The following AKR1C3 variants were observed in gnomAD, a reference collection of about 807,000 sequenced individuals.
The protein encoded by AKR1C3 is 3-alpha hydroxysteroid dehydrogenase, type II.
In AKR1C3, 48 loss-of-function variants were observed where a neutral mutation model predicts 43.6. The observed-to-expected ratio is 1.10, with a 90% CI of 0.87 to 1.40. AKR1C3 has a LOEUF of 1.40. Ranked by LOEUF, AKR1C3 falls within the 40% of genes most tolerant of loss-of-function variation. The pLI is 0.00. For synonymous variants in AKR1C3, 162 were observed against 139.6 expected, an observed-to-expected ratio of 1.16 and a Z score of -1.13; for missense variants, 482 against 391.2, an observed-to-expected ratio of 1.23 and a Z score of -1.96.
chr10:5,102,664 C>T lies in AKR1C3; in HGVS notation c.846+14C>T, dbSNP rs1839388051. ...CAGAACGTGCAGGTGAGGAGCGGGG[C>T]TGTGGGCCTCAGGTCTCCTGCACAG... On this transcript the variant is annotated intron_variant, in intron 7 of 8. Transcript: ENST00000380554. 1.4e-6 allele frequency: 2 copies of T among 1,452,254 alleles called. No individual in the cohort carries two copies. Among genetic ancestry groups the T allele is most frequent in the East Asian group, 2.5e-5 (1 of 40,034 alleles). The allele number at this position is 1,452,254 out of a possible 1,614,324, so 90.0% of individuals were successfully genotyped here.
chr10:5,102,153 C>CGAAAGATATTGTTCTG lies in AKR1C3; in HGVS notation c.625_640dup (p.Val214GlufsTer9). 6.2e-7 allele frequency: 1 copy of CGAAAGATATTGTTCTG among 1,613,964 alleles called. No individual in the cohort carries two copies. The highest frequency in any genetic ancestry group is 1.7e-5 in the Admixed American group (1 of 60,002). ...AGTAAATTGCTAGATTTCTGCAAGT[C>CGAAAGATATTGTTCTG]GAAAGATATTGTTCTGGTTGCCTAT... is the stretch of plus-strand genomic sequence containing the variant. On this transcript the variant is annotated frameshift_variant, in exon 6 of 9. Coordinates refer to ENST00000380554, the MANE Select transcript of AKR1C3 (RefSeq NM_003739.6). LOFTEE classifies it high-confidence loss of function.
intron 1 of AKR1C3, among the ~76,000 whole-genome samples, chr10:5,060,804 C>T (rs181261467): frequency 1.3e-4 from 20 of 152,260 alleles, no homozygotes; most frequent in East Asian, 1.2e-3. Context: ...TCAGGCATGG[C>T]GGGCTGCAGA....
At chr10:5,096,127 C>G in intron 1 of AKR1C3, 1 of 281,878 alleles carries the variant, frequency 3.5e-6, no homozygotes. Flanking sequence ...ATAATTAGGA[C>G]TATTTCAGTC....
upstream of AKR1C3, among the ~76,000 whole-genome samples, chr10:5,093,044 C>A (rs577983360): frequency 6.6e-6 from 1 of 152,188 alleles, no homozygotes; most frequent in South Asian, 2.1e-4. Context: ...TCTGCCTGGA[C>A]TGTGTGTGCC....
chr10:5,098,563 T>C (rs1293506135), intron 3 of AKR1C3, among the ~76,000 whole-genome samples: 2 of 152,218 alleles, frequency 1.3e-5, no homozygotes, highest in African/African-American at 4.8e-5. Context: ...TGAAACTTGA[T>C]TAAGACCTAG....
chr10:5,099,275 G>A (rs1232900269), intron 4 of AKR1C3, 52 bp from the exon 5 acceptor site: 25 of 1,611,748 alleles, frequency 1.6e-5, no homozygotes, highest in East Asian at 6.7e-5. Context: ...TGCATTTACC[G>A]TGATTTGCAG....
At position 5,105,587 on chromosome 10, in the gene AKR1C3, T is replaced by G; in HGVS notation, c.847-8T>G. The stretch of plus-strand genomic sequence containing the variant: ...CTAAAAATAATAAAAGTTTTTTATT[T>G]CTGATAGGTTTTTGAGTTCCAGTTG... On this transcript the variant is annotated splice_region_variant and splice_polypyrimidine_tract_variant and intron_variant, in intron 7 of 8. Transcript: ENST00000380554. 1.9e-6 allele frequency: 3 copies of G among 1,610,878 alleles called. No individual in the cohort carries two copies. The highest frequency in any genetic ancestry group is 2.5e-6 in the Non-Finnish European group (3 of 1,177,970).
At chr10:5,092,667 A>C (rs561844283), upstream of AKR1C3, among the ~76,000 whole-genome samples, 1 of 152,106 alleles carries the variant, frequency 6.6e-6, no homozygotes, top group South Asian at 2.1e-4. Context: ...CATTGTTGAT[A>C]CACTCATTTT....
In AKR1C3 at chr10:5,081,038, A is replaced by G. The variant is rs989965046; in HGVS notation, c.85-15372A>G. The G allele has an allele frequency of 2.0e-5, 3 of 152,254 alleles. No homozygotes were observed. In the East Asian group the frequency reaches 5.8e-4, roughly 29 times the overall value. The allele number at this position is 152,254 out of a possible 1,614,324, so 9.4% of individuals were successfully genotyped here. On this transcript the variant is annotated intron_variant, in intron 1 of 8. Transcript: ENST00000439082. Reference sequence around the variant, plus strand: ...GTGGGGGATGAAAACATAAAGATATAGTAAGTGCATTCTAGGATCAAATCA... The same window carrying G: ...GTGGGGGATGAAAACATAAAGATATGGTAAGTGCATTCTAGGATCAAATCA...
intron 1 of AKR1C3, among the ~76,000 whole-genome samples, chr10:5,053,673 C>T (rs1380791639): frequency 6.6e-6 from 1 of 152,344 alleles, no homozygotes; most frequent in Middle Eastern, 3.4e-3. Context: ...AATCCCCCCT[C>T]TAAACAGGAC....
rs191988659 is a variant in AKR1C3 at position 5,086,899 on chromosome 10, C to T, written c.85-9511C>T. Among the ~76,000 whole-genome samples, 592 of 152,028 alleles carry T rather than the reference C, an allele frequency of 3.9e-3. 11 individuals are homozygous for T. The highest frequency in any genetic ancestry group is 0.014 in the African/African-American group (563 of 41,440). On this transcript the variant is annotated intron_variant, in intron 1 of 8. Transcript: ENST00000439082. ...TTTTATCTGAGACTAGGATTGCAACCCCTGCCTTTTTTTGTTTTCCATTTG... is the reference window on the plus strand; with the variant it reads ...TTTTATCTGAGACTAGGATTGCAACTCCTGCCTTTTTTTGTTTTCCATTTG...
chr10:5,058,726 G>A (rs1317123789), intron 1 of AKR1C3, among the ~76,000 whole-genome samples: 1 of 152,196 alleles, frequency 6.6e-6, no homozygotes, highest in Non-Finnish European at 1.5e-5. Context: ...AGAAACGCTA[G>A]TTTTCCTCCC....
intron 1 of AKR1C3, chr10:5,077,616 C>T (rs1838741194): frequency 9.8e-7 from 1 of 1,015,606 alleles, no homozygotes; most frequent in Admixed American, 5.7e-5. Flanking sequence ...TAATTGCTTG[C>T]CTGTCTGGGC....
intron 7 of AKR1C3, 36 bp from the exon 8 acceptor site, chr10:5,105,559 A>G (rs2131853637): frequency 1.3e-6 from 2 of 1,513,636 alleles, no homozygotes; most frequent in East Asian, 4.6e-5. Context: ...CACAACTGGC[A>G]ATCTAAAAAT....
chr10:5,053,158 C>CT (rs1564351271), intron 1 of AKR1C3, among the ~76,000 whole-genome samples: 1 of 152,250 alleles, frequency 6.6e-6, no homozygotes, highest in Non-Finnish European at 1.5e-5. Flanking sequence ...CTCCTCAGCA[C>CT]TTGGGTGGTT....
At chr10:5,103,895 CTATGATGGATTAATA>C (rs1554786566) in intron 7 of AKR1C3, among the ~76,000 whole-genome samples, 1 of 151,798 alleles carries the variant, frequency 6.6e-6, no homozygotes, top group Non-Finnish European at 1.5e-5. Context: ...TCTTATTAAT[CTATGATGGATTAATA>C]TATGATAGGT....
At chr10:5,076,227 C>A (rs1692560350) in intron 1 of AKR1C3, among the ~76,000 whole-genome samples, 1 of 152,196 alleles carries the variant, frequency 6.6e-6, no homozygotes, top group Admixed American at 6.5e-5. Flanking sequence ...TTGATGTGTT[C>A]TCCAAAGTCC....
chr10:5,103,942 A>G (rs56847935), intron 7 of AKR1C3, among the ~76,000 whole-genome samples: 4,648 of 152,040 alleles, frequency 0.031, 234 homozygotes, highest in African/African-American at 0.11. Flanking sequence ...ATAGATTGAT[A>G]TATATATTAT....
At chr10:5,052,824 G>A (rs1224469981) in intron 1 of AKR1C3, among the ~76,000 whole-genome samples, 4 of 152,006 alleles carry the variant, frequency 2.6e-5, no homozygotes, top group Non-Finnish European at 4.4e-5. Context: ...CACAAACCCT[G>A]AGCTAGATGC....
Sources: allele counts gnomAD v4.1 joint callset (sites outside exome capture counted in the v4.1 genomes callset), GRCh38; gene constraint gnomAD v4.1.1; transcripts MANE v1.5; gene names NCBI Gene and HGNC (gene_info 2026-07-23, HGNC 2026-07-21).